The following SGCZ variants were observed in gnomAD, a reference collection of about 807,000 sequenced individuals.
SGCZ encodes the protein sarcoglycan zeta, also known as zeta-sarcoglycan.
Under a neutral mutation model 41.3 loss-of-function variants are expected in SGCZ, and 40 were observed. The ratio of observed to expected loss-of-function variants is 0.97; its 90% CI spans 0.75 to 1.26. The LOEUF is 1.26. Ranked by LOEUF, SGCZ falls within the 50% of genes most tolerant of loss-of-function variation. SGCZ has a pLI of 0.00. For missense variants in SGCZ, 552 were observed against 369.8 expected, an observed-to-expected ratio of 1.49 and a Z score of -4.04; for synonymous variants, 206 against 137.5, an observed-to-expected ratio of 1.50 and a Z score of -3.49.
chr8:14,164,506 A>C (rs878978948), intron 5 of SGCZ, 74 bp downstream of exon 5: 13 of 1,565,630 alleles, frequency 8.3e-6, no homozygotes, highest in Non-Finnish European at 1.0e-5. Context: ...CATCCATCTT[A>C]TTAAGAAGCT....
chr8:15,117,587 A>G (rs1424292901), intron 1 of SGCZ, among the ~76,000 whole-genome samples: 1 of 152,140 alleles, frequency 6.6e-6, no homozygotes, highest in Non-Finnish European at 1.5e-5. Flanking sequence ...TTTTACCTGT[A>G]AAATATAGGA....
chr8:14,261,463 C>T (rs1264871201), intron 3 of SGCZ, among the ~76,000 whole-genome samples: 1 of 152,032 alleles, frequency 6.6e-6, no homozygotes, highest in Non-Finnish European at 1.5e-5. Context: ...TATATATCAC[C>T]AATATTGTTC....
At chr8:14,670,369 G>A (rs983097831) in intron 1 of SGCZ, among the ~76,000 whole-genome samples, 2 of 152,070 alleles carry the variant, frequency 1.3e-5, no homozygotes, top group Admixed American at 6.6e-5. Flanking sequence ...ATCTAATACT[G>A]TCTCTTCTGA....
intron 3 of SGCZ, among the ~76,000 whole-genome samples, chr8:14,251,347 C>A (rs922310958): frequency 2.6e-5 from 4 of 152,116 alleles, no homozygotes; most frequent in African/African-American, 4.8e-5. Flanking sequence ...GAGCAGGCAC[C>A]GGCCAACTTT....
At chr8:14,415,365 T>C (rs934018459) in intron 2 of SGCZ, among the ~76,000 whole-genome samples, 2 of 151,876 alleles carry the variant, frequency 1.3e-5, no homozygotes, top group Non-Finnish European at 2.9e-5. Context: ...GTAAAAATTA[T>C]ATGAAGAAAA....
chr8:14,963,845 G>A (rs1449108890), intron 1 of SGCZ, among the ~76,000 whole-genome samples: 1 of 152,026 alleles, frequency 6.6e-6, no homozygotes, highest in African/African-American at 2.4e-5. Context: ...CAACCCCAAA[G>A]TTTCACGCTT....
intron 1 of SGCZ, among the ~76,000 whole-genome samples, chr8:15,016,527 G>A (rs1372295618): frequency 6.6e-6 from 1 of 152,152 alleles, no homozygotes; most frequent in African/African-American, 2.4e-5. Context: ...CTTCTTCCAG[G>A]GGCGTAGACC....
intron 5 of SGCZ, among the ~76,000 whole-genome samples, chr8:14,134,434 G>C (rs1803133636): frequency 6.6e-6 from 1 of 152,152 alleles, no homozygotes; most frequent in African/African-American, 2.4e-5. Flanking sequence ...ATGAATGAAA[G>C]TGAACATATG....
At chr8:14,740,393 T>G (rs746791478) in intron 1 of SGCZ, among the ~76,000 whole-genome samples, 3 of 151,332 alleles carry the variant, frequency 2.0e-5, no homozygotes, top group Admixed American at 6.6e-5. Context: ...GTGTGTGTGT[T>G]TTTCCTTTCC....
At chr8:14,951,163 A>G (rs1190470068) in intron 1 of SGCZ, among the ~76,000 whole-genome samples, 1 of 149,612 alleles carries the variant, frequency 6.7e-6, no homozygotes, top group Admixed American at 6.7e-5. Flanking sequence ...ACAGAATTTG[A>G]ACTAAATACA....
In SGCZ at chr8:14,331,593, A is replaced by G. The variant is rs756775123; in HGVS notation, c.235-7389T>C. Among the ~76,000 whole-genome samples, 13 of 152,068 alleles carry G rather than the reference A, an allele frequency of 8.5e-5. 1 individual carries two copies. The highest frequency in any genetic ancestry group is 1.5e-4 in the Non-Finnish European group (10 of 67,994). ...AACAATTGACAGACCTAGGAATTTG[A>G]CCTCTAATTCAACTTGTACGGAAAC... On this transcript the variant is annotated intron_variant, in intron 2 of 7. Transcript: ENST00000382080.
At chr8:14,236,172 CATGA>C (rs1309750849) in intron 4 of SGCZ, among the ~76,000 whole-genome samples, 3 of 152,150 alleles carry the variant, frequency 2.0e-5, no homozygotes, top group Non-Finnish European at 4.4e-5. Context: ...AATGAAACAG[CATGA>C]ATATTTAAGT....
In SGCZ at chr8:15,150,382, T is replaced by C. The variant is rs181587008; in HGVS notation, c.39+87203A>G. Among the ~76,000 whole-genome samples the C allele has an allele frequency of 4.6e-5, 7 of 152,338 alleles. No homozygotes were observed. In the East Asian group the frequency reaches 1.2e-3, roughly 25 times the overall value. On this transcript the variant is annotated intron_variant, in intron 1 of 7. Transcript: ENST00000382080. ...GTCGGTTATTTAATGCATTAATTAA[T>C]TGACCTCAGTTTCTCCATTGAAAAG... is the stretch of plus-strand genomic sequence containing the variant.
intron 1 of SGCZ, among the ~76,000 whole-genome samples, chr8:14,967,399 T>C (rs1224911364): frequency 6.6e-6 from 1 of 152,088 alleles, no homozygotes; most frequent in East Asian, 1.9e-4. Flanking sequence ...TTTCCATGCA[T>C]CTTCATGCTC....
chr8:14,309,143 T>C (rs1229169357), intron 3 of SGCZ: 18 of 1,463,248 alleles, frequency 1.2e-5, no homozygotes, highest in Non-Finnish European at 1.7e-5. Context: ...ACAGAACAGA[T>C]GGGCACTCTG....
At chr8:14,251,874 T>A (rs975587744) in intron 3 of SGCZ, among the ~76,000 whole-genome samples, 3 of 152,040 alleles carry the variant, frequency 2.0e-5, no homozygotes, top group Admixed American at 6.6e-5. Flanking sequence ...CACCACCACC[T>A]AATTTTTGTA....
Position 14,370,090 on chromosome 8 carries a change from T to C in SGCZ, c.235-45886A>G, listed in dbSNP as rs537670169. ...TTATTATGCTGGAGCTCTGTGGATG[T>C]AGTGGTAAGATGAAGGGGTAAGATG... On this transcript the variant is annotated intron_variant, in intron 2 of 7. Coordinates refer to ENST00000382080, the MANE Select transcript of SGCZ (RefSeq NM_139167.4). Among the ~76,000 whole-genome samples the C allele has an allele frequency of 3.9e-5, 6 of 152,060 alleles. No individual in the cohort carries two copies. The East Asian group carries it at 9.7e-4, about 24-fold the overall frequency.
intron 1 of SGCZ, among the ~76,000 whole-genome samples, chr8:15,108,632 T>C (rs1022287889): frequency 1.3e-5 from 2 of 152,202 alleles, no homozygotes; most frequent in African/African-American, 2.4e-5. Context: ...GTTTAAATTC[T>C]AGCCCCAGAG....
At chr8:14,470,343 G>T (rs1461455180) in intron 2 of SGCZ, among the ~76,000 whole-genome samples, 1 of 151,878 alleles carries the variant, frequency 6.6e-6, no homozygotes, top group Non-Finnish European at 1.5e-5. Flanking sequence ...CAATTTGTTG[G>T]CACATAGTAG....
Sources: gnomAD v4.1 joint callset for allele counts (sites outside exome capture counted in the v4.1 genomes callset) on GRCh38, gnomAD v4.1.1 for gene constraint, MANE v1.5 for transcripts, NCBI Gene and HGNC (gene_info 2026-07-23, HGNC 2026-07-21) for gene names.